Variants in TECTA observed in about 807,000 individuals in gnomAD.
TECTA encodes the protein tectorin alpha.
Under a neutral mutation model 216.8 loss-of-function variants are expected in TECTA, and 128 were observed. The ratio of observed to expected loss-of-function variants is 0.59; its 90% CI spans 0.51 to 0.68. TECTA has a LOEUF of 0.68. Among genes scored for constraint, TECTA ranks in the 30% least tolerant of loss-of-function variants. The pLI is 0.00. For synonymous variants in TECTA, 1,089 were observed against 1,117.1 expected (o/e 0.97, Z 0.50); for missense variants, 2,551 against 2,786.2 (o/e 0.92, Z 1.90).
intron 15 of TECTA, among the ~76,000 whole-genome samples, chr11:121,161,553 T>TCCCC (rs1946999118): frequency 1.7e-4 from 2 of 11,652 alleles, no homozygotes; most frequent in African/African-American, 5.2e-4. Flanking sequence ...TTCCCTTCCC[T>TCCCC]TCCCTTCCCT....
intron 12 of TECTA, among the ~76,000 whole-genome samples, chr11:121,146,594 T>C (rs942796531): frequency 1.3e-5 from 2 of 152,192 alleles, no homozygotes; most frequent in Non-Finnish European, 2.9e-5. Context: ...TAAGAGTACA[T>C]TAGAGAAGGA....
In TECTA at chr11:121,190,871, G is replaced by T. The variant is rs1947334504; in HGVS notation, c.*65G>T. On this transcript the variant is annotated 3_prime_UTR_variant, in exon 24 of 24. Coordinates refer to ENST00000392793, the MANE Select transcript of TECTA (RefSeq NM_005422.4). Reference sequence around the variant, plus strand: ...ACTTCAACACCCTGTAGGATAAAAAGTGTGTGCCCTTAAGTCAAAACCTAT... The same window carrying T: ...ACTTCAACACCCTGTAGGATAAAAATTGTGTGCCCTTAAGTCAAAACCTAT... 4 of 1,256,634 alleles carry T rather than the reference G, an allele frequency of 3.2e-6. No individual in the cohort carries two copies. Among genetic ancestry groups the T allele is most frequent in the Middle Eastern group, 1.9e-4 (1 of 5,340 alleles). The allele number at this position is 1,256,634 out of a possible 1,614,324, so 77.8% of individuals were successfully genotyped here.
chr11:121,146,011 G>A lies in TECTA; in HGVS notation c.4000G>A (p.Asp1334Asn), dbSNP rs747039340. 23 of 1,614,024 alleles carry A rather than the reference G, an allele frequency of 1.4e-5. No homozygotes were observed. The South Asian group carries it at 1.4e-4, about 10-fold the overall frequency. ...YKNCLFDSCI[D>N]GGAVQTACSW... is the part of the protein sequence containing the mutation. ...GAACTGCCTGTTTGACTCTTGCATC[G>A]ATGGGGGCGCGGTGCAGACCGCCTG... is the stretch of plus-strand genomic sequence containing the variant. Residue 1334 changes from aspartate (D) to asparagine (N), a missense_variant, in exon 12 of 24, where the codon GAT (aspartate) becomes AAT (asparagine). Around this residue, in one of 3 missense-constraint regions of TECTA, gnomAD observed 2,375 missense variants for 2,563.9 expected, o/e 0.93. Coordinates refer to ENST00000392793, the MANE Select transcript of TECTA (RefSeq NM_005422.4).
At chr11:121,142,328 TCCTCTGACCTCCTG>T (rs1429327556) in intron 11 of TECTA, among the ~76,000 whole-genome samples, 13 of 152,204 alleles carry the variant, frequency 8.5e-5, no homozygotes, top group Non-Finnish European at 1.8e-4. Context: ...CTCTCTCTTT[TCCTCTGACCTCCTG>T]CCTCTGAGCT....
At chr11:121,156,998 C>T (rs1267685327) in intron 13 of TECTA, among the ~76,000 whole-genome samples, 2 of 152,210 alleles carry the variant, frequency 1.3e-5, no homozygotes, top group Non-Finnish European at 2.9e-5. Flanking sequence ...GTACTTCCAT[C>T]AGAAGTAAAT....
At chr11:121,173,369 A>T (rs1947132229) in intron 20 of TECTA, among the ~76,000 whole-genome samples, 2 of 146,272 alleles carry the variant, frequency 1.4e-5, no homozygotes, top group Admixed American at 6.9e-5. Context: ...TTTTTGTATA[A>T]GGTGTAAGGA....
intron 17 of TECTA, 137 bp from the exon 18 acceptor site, chr11:121,166,441 A>G (rs2135129899): frequency 3.5e-6 from 3 of 852,120 alleles, no homozygotes; most frequent in East Asian, 5.2e-5. Flanking sequence ...TGATCAAAGC[A>G]TAATTAGAAA....
chr11:121,114,915 G>A (rs1251854672), intron 6 of TECTA, among the ~76,000 whole-genome samples: 5 of 25,972 alleles, frequency 1.9e-4, no homozygotes, highest in Admixed American at 5.0e-4. Context: ...CCATTCATCC[G>A]TCCACCCATT....
chr11:121,164,085 C>T (rs1188853176), intron 16 of TECTA, among the ~76,000 whole-genome samples: 1 of 152,200 alleles, frequency 6.6e-6, no homozygotes, highest in East Asian at 1.9e-4. Context: ...GGCGTGGCAG[C>T]TGAGTCAGAA....
intron 1 of TECTA, among the ~76,000 whole-genome samples, chr11:121,102,209 A>G (rs187732852): frequency 1.3e-5 from 2 of 152,234 alleles, no homozygotes; most frequent in Admixed American, 6.5e-5. Flanking sequence ...GTTTTAACCA[A>G]CTTTTGTTTG....
At chr11:121,117,130 T>C (rs1200730896) in intron 6 of TECTA, among the ~76,000 whole-genome samples, 1 of 152,254 alleles carries the variant, frequency 6.6e-6, no homozygotes, top group Non-Finnish European at 1.5e-5. Flanking sequence ...GTTATTTACA[T>C]TTCTTAATGC....
chr11:121,111,898 TTC>T (rs1946445688), intron 4 of TECTA, among the ~76,000 whole-genome samples: 1 of 152,126 alleles, frequency 6.6e-6, no homozygotes, highest in Non-Finnish European at 1.5e-5. Flanking sequence ...GGAAGAAAAG[TTC>T]TTTACAAAAA....
At chr11:121,169,919 T>A (rs1470425441) in intron 20 of TECTA, among the ~76,000 whole-genome samples, 1 of 152,212 alleles carries the variant, frequency 6.6e-6, no homozygotes, top group Non-Finnish European at 1.5e-5. Context: ...TGTTGTTAAC[T>A]ATAGTCACCC....
chr11:121,146,493 A>C (rs969807378), intron 12 of TECTA, among the ~76,000 whole-genome samples: 3 of 152,202 alleles, frequency 2.0e-5, no homozygotes, highest in African/African-American at 7.2e-5. Flanking sequence ...CCTTGTGTTA[A>C]TAATCCGCAT....
intron 16 of TECTA, among the ~76,000 whole-genome samples, chr11:121,164,951 G>T (rs1275643039): frequency 6.6e-6 from 1 of 152,178 alleles, no homozygotes; most frequent in Non-Finnish European, 1.5e-5. Context: ...GATGACTGGG[G>T]TTAAGAGCAT....
chr11:121,155,239 G>A (rs191413784), intron 13 of TECTA, among the ~76,000 whole-genome samples: 7 of 152,310 alleles, frequency 4.6e-5, no homozygotes, highest in East Asian at 3.9e-4. Context: ...CCATTTTACC[G>A]TGATGCTAGT....
intron 16 of TECTA, among the ~76,000 whole-genome samples, chr11:121,162,864 G>A (rs1174033633): frequency 6.6e-6 from 1 of 152,212 alleles, no homozygotes; most frequent in East Asian, 1.9e-4. Flanking sequence ...TATTAGATCA[G>A]CTGGTAAAAT....
rs1440538015 is a variant in TECTA, at chr11:121,105,518, G to A, written c.65-313G>A. ...GCCTCTCAGTATCCAGAAAGCTCAA[G>A]GTTTCCAGGGAAATTTCACAAATTT... On this transcript the variant is annotated intron_variant, in intron 2 of 23. Transcript: ENST00000392793. This position sits in a 1 kb window ranked among gnomAD's most constrained non-coding sequence, Gnocchi z 5.3. 6.6e-6 allele frequency among the ~76,000 whole-genome samples: 1 copy of A among 152,214 alleles called. No homozygotes were observed. Among genetic ancestry groups the A allele is most frequent in the Non-Finnish European group, 1.5e-5 (1 of 68,030 alleles).
In TECTA at chr11:121,160,293, C is replaced by A. The variant is rs967424883; in HGVS notation, c.4848C>A (p.Asn1616Lys). 8.7e-6 allele frequency: 14 copies of A among 1,614,082 alleles called. No homozygotes were observed. In the African/African-American group the frequency reaches 1.6e-4, roughly 18 times the overall value. Reference protein sequence around the residue: ...IKISISERLQNKVCGLCGNFN... With the variant: ...IKISISERLQKKVCGLCGNFN... ...TCAGCATCAGCGAGAGGCTGCAGAA[C>A]AAAGTGTGCGGTCTCTGTGGCAACT... The change falls in exon 15 of 24, where the codon AAC becomes AAA. Residue 1616 changes from asparagine (N) to lysine (K), a missense_variant. Physicochemically the swap from Asn to Lys is moderately conservative, Grantham distance 94 (BLOSUM62 0). Around this residue, in one of 3 missense-constraint regions of TECTA, gnomAD observed 2,375 missense variants for 2,563.9 expected, o/e 0.93. Coordinates refer to ENST00000392793, the MANE Select transcript of TECTA (RefSeq NM_005422.4).
Sources: allele counts gnomAD v4.1 joint callset (sites outside exome capture counted in the v4.1 genomes callset), GRCh38; gene constraint gnomAD v4.1.1; regional missense constraint gnomAD v4.1.1; non-coding constraint Gnocchi (gnomAD v3.1); transcripts MANE v1.5; gene names NCBI Gene and HGNC (gene_info 2026-07-23, HGNC 2026-07-21).